GAREM1: variants seen among roughly 807,000 people sequenced by gnomAD.
GAREM1 encodes the protein GRB2 associated regulator of MAPK1 subtype 1.
A neutral mutation model predicts 71.3 loss-of-function variants in GAREM1; 26 were observed. The ratio of observed to expected loss-of-function variants is 0.36; its 90% confidence interval spans 0.27 to 0.51. The LOEUF is 0.51. GAREM1 is among the 20% of genes least tolerant of loss of function. GAREM1 has a pLI of 0.95. For missense variants in GAREM1, 1,026 were observed against 1,103.1 expected (o/e 0.93, Z 0.99); for synonymous variants, 440 against 433.2 (o/e 1.02, Z -0.20).
In GAREM1 at chr18:32,287,162, C is replaced by A. The variant is rs978857263; in HGVS notation, c.1435G>T (p.Asp479Tyr). The change falls in exon 4 of 6, where the codon GAT becomes TAT. Residue 479 changes from aspartate to tyrosine, a missense_variant. Physicochemically the swap from Asp to Tyr is radical, Grantham distance 160 (BLOSUM62 -3). This residue lies in a region of GAREM1 where 636 missense variants were observed against 631.2 expected (regional missense o/e 1.01). Transcript: ENST00000269209. The surrounding 1 kb of genome is among the most constrained non-coding windows in gnomAD (Gnocchi z 5.9). Reference sequence around the variant, plus strand: ...GATCGGACAGAACCTCTAAACTGATCACATCTGTTCTTCTCGCTCAGAGAG... The same window carrying A: ...GATCGGACAGAACCTCTAAACTGATAACATCTGTTCTTCTCGCTCAGAGAG... ...TRSLSEKNRC[D>Y]QFRGSVRSKC... 5 of 1,614,082 alleles carry A rather than the reference C, an allele frequency of 3.1e-6. No homozygotes were observed. The highest frequency in any genetic ancestry group is 2.7e-5 in the African/African-American group (2 of 74,932).
intron 4 of GAREM1, among the ~76,000 whole-genome samples, chr18:32,281,702 C>T (rs1005409094): frequency 3.3e-5 from 5 of 152,156 alleles, no homozygotes; most frequent in Non-Finnish European, 5.9e-5. Context: ...AGGCCGGGCA[C>T]GGTGGCTCAT....
chr18:32,397,755 T>C (rs1440018868), intron 1 of GAREM1, among the ~76,000 whole-genome samples: 1 of 152,106 alleles, frequency 6.6e-6, no homozygotes, highest in South Asian at 2.1e-4. Context: ...GACAGAAAGT[T>C]AACAAGGATA....
At chr18:32,374,391 T>C (rs2048013618) in intron 2 of GAREM1, among the ~76,000 whole-genome samples, 1 of 152,232 alleles carries the variant, frequency 6.6e-6, no homozygotes, top group Admixed American at 6.5e-5. Flanking sequence ...ACTCCCCACC[T>C]TCTCTGCAAG....
chr18:32,363,057 G>C (rs2047882299), intron 2 of GAREM1, among the ~76,000 whole-genome samples: 1 of 152,098 alleles, frequency 6.6e-6, no homozygotes, highest in South Asian at 2.1e-4. Context: ...TTCAGCCATG[G>C]CAATAAGTTA....
chr18:32,440,758 G>C (rs1479750335), intron 1 of GAREM1, among the ~76,000 whole-genome samples: 1 of 152,176 alleles, frequency 6.6e-6, no homozygotes, highest in Admixed American at 6.5e-5. Context: ...TATCAACAAT[G>C]CTCTTGATGG....
chr18:32,280,876 AC>A (rs951249138), intron 4 of GAREM1, among the ~76,000 whole-genome samples: 1 of 151,970 alleles, frequency 6.6e-6, no homozygotes, highest in Middle Eastern at 3.2e-3. Context: ...ACTCCCACCC[AC>A]CTTCTGACTC....
intron 1 of GAREM1, among the ~76,000 whole-genome samples, chr18:32,421,254 T>C (rs1224717748): frequency 2.0e-5 from 3 of 152,106 alleles, no homozygotes; most frequent in Admixed American, 6.5e-5. Context: ...TGCAAAGCAC[T>C]TGGACCAGGC....
At chr18:32,315,480 A>G (rs1184891340) in intron 2 of GAREM1, among the ~76,000 whole-genome samples, 5 of 147,510 alleles carry the variant, frequency 3.4e-5, no homozygotes, top group Admixed American at 2.0e-4. Context: ...ATATAAAAGT[A>G]GATATATATA....
intron 2 of GAREM1, among the ~76,000 whole-genome samples, chr18:32,377,272 A>C (rs1478671243): frequency 1.3e-5 from 2 of 152,154 alleles, no homozygotes; most frequent in African/African-American, 4.8e-5. Context: ...TCAGTACTAT[A>C]TTGTTGTTGC....
intron 1 of GAREM1, among the ~76,000 whole-genome samples, chr18:32,452,575 C>T (rs2048850399): frequency 6.6e-6 from 1 of 152,150 alleles, no homozygotes; most frequent in African/African-American, 2.4e-5. Flanking sequence ...GAAGCATTTC[C>T]TTGCTTATCA....
chr18:32,358,591 C>A (rs1288081052), intron 2 of GAREM1, among the ~76,000 whole-genome samples: 2 of 152,134 alleles, frequency 1.3e-5, no homozygotes, highest in Non-Finnish European at 2.9e-5. Flanking sequence ...ATAACCTTTT[C>A]CCACACCAAA....
chr18:32,343,318 T>TG (rs1165743670), intron 2 of GAREM1, among the ~76,000 whole-genome samples: 6 of 150,376 alleles, frequency 4.0e-5, no homozygotes, highest in African/African-American at 1.5e-4. Flanking sequence ...ACTGTTTTTT[T>TG]TTTTTTTTTT....
At chr18:32,353,988 T>C (rs1163615630) in intron 2 of GAREM1, among the ~76,000 whole-genome samples, 1 of 152,174 alleles carries the variant, frequency 6.6e-6, no homozygotes, top group African/African-American at 2.4e-5. Context: ...AGATGCCCTA[T>C]TGGTATATGT....
chr18:32,413,354 A>C (rs982818458), intron 1 of GAREM1: 1 of 689,624 alleles, frequency 1.5e-6, no homozygotes. Context: ...TGAAAGAAAC[A>C]AAGACTCATA....
intron 1 of GAREM1, among the ~76,000 whole-genome samples, chr18:32,414,340 G>A (rs1235828903): frequency 1.3e-5 from 2 of 151,894 alleles, no homozygotes; most frequent in Admixed American, 1.3e-4. Context: ...TATACAGACC[G>A]AAGAAAGAGA....
intron 1 of GAREM1, among the ~76,000 whole-genome samples, chr18:32,395,321 G>A (rs1431266609): frequency 6.6e-6 from 1 of 152,214 alleles, no homozygotes. Context: ...AGTGCTAGGC[G>A]CATACGGGTG....
intron 1 of GAREM1, among the ~76,000 whole-genome samples, chr18:32,429,570 T>C (rs556559813): frequency 1.3e-5 from 2 of 152,308 alleles, no homozygotes; most frequent in South Asian, 4.1e-4. Context: ...CACGATATTT[T>C]TGAACTCCAC....
intron 2 of GAREM1, among the ~76,000 whole-genome samples, chr18:32,392,088 T>C (rs2048206310): frequency 1.3e-5 from 2 of 152,282 alleles, no homozygotes; most frequent in African/African-American, 2.4e-5. Flanking sequence ...AATTTATGGT[T>C]AGTTGATTAA....
chr18:32,298,138 T>C (rs2047162037), intron 3 of GAREM1, among the ~76,000 whole-genome samples: 1 of 152,186 alleles, frequency 6.6e-6, no homozygotes, highest in Admixed American at 6.5e-5. Flanking sequence ...TGTGTGTACT[T>C]CTTAAATAAC....
Sources: allele counts gnomAD v4.1 joint callset (sites outside exome capture counted in the v4.1 genomes callset), GRCh38; gene constraint gnomAD v4.1.1; regional missense constraint gnomAD v4.1.1; non-coding constraint Gnocchi (gnomAD v3.1); transcripts MANE v1.5; gene names NCBI Gene and HGNC (gene_info 2026-07-23, HGNC 2026-07-21).